The following ADAMTSL1 variants were observed in gnomAD, a reference collection of about 807,000 sequenced individuals.
ADAMTSL1 encodes ADAMTS like 1, also known as ADAMTS-like protein 1.
In ADAMTSL1, 126 loss-of-function variants were observed where a neutral mutation model predicts 201.8. The observed-to-expected ratio is 0.62, with a 90% CI of 0.54 to 0.72. The LOEUF (loss-of-function observed/expected upper bound fraction) is 0.72, where lower values mean the gene tolerates loss of function less well. Ranked by LOEUF, ADAMTSL1 falls within the 30% of genes least tolerant of loss-of-function variation. The pLI is 0.00. For synonymous variants in ADAMTSL1, 1,121 were observed against 903.4 expected (o/e 1.24, Z -4.32); for missense variants, 2,679 against 2,277.8 (o/e 1.18, Z -3.59).
At chr9:18,077,588 AGTG>A (rs1823290455) in intron 1 of ADAMTSL1, among the ~76,000 whole-genome samples, 1 of 152,330 alleles carries the variant, frequency 6.6e-6, no homozygotes, top group Admixed American at 6.5e-5. Context: ...CAAAGAAAGG[AGTG>A]GTGGTCAGAG....
intron 3 of ADAMTSL1, among the ~76,000 whole-genome samples, chr9:18,543,542 A>C (rs745701764): frequency 2.6e-5 from 4 of 152,188 alleles, no homozygotes; most frequent in Non-Finnish European, 5.9e-5. Context: ...CATGTGGACA[A>C]CTGGAGGTTG....
chr9:18,254,357 T>TG (rs1831588086), intron 2 of ADAMTSL1, among the ~76,000 whole-genome samples: 1 of 95,868 alleles, frequency 1.0e-5, no homozygotes, highest in Non-Finnish European at 2.2e-5. Flanking sequence ...TTTTTTTTTT[T>TG]TTTTTTTTTT....
intron 2 of ADAMTSL1, among the ~76,000 whole-genome samples, chr9:18,450,155 T>G (rs1314956971): frequency 6.6e-6 from 1 of 152,090 alleles, no homozygotes; most frequent in African/African-American, 2.4e-5. Context: ...GTAACGAAAT[T>G]ATGGAACATC....
chr9:18,893,777 CA>C (rs1023751518), intron 26 of ADAMTSL1, among the ~76,000 whole-genome samples: 2 of 152,200 alleles, frequency 1.3e-5, no homozygotes, highest in Admixed American at 1.3e-4. Flanking sequence ...CTGTGAGACA[CA>C]AAAAAATCCT....
chr9:18,037,969 G>T (rs1821272348), intron 1 of ADAMTSL1, among the ~76,000 whole-genome samples: 1 of 152,064 alleles, frequency 6.6e-6, no homozygotes, highest in Admixed American at 6.6e-5. Context: ...TATATACCAA[G>T]AATCTAAAGT....
chr9:18,835,570 C>G lies in ADAMTSL1; in HGVS notation c.4249+5593C>G, dbSNP rs556220477. Among the ~76,000 whole-genome samples the G allele has an allele frequency of 9.9e-5, 15 of 152,100 alleles. No homozygotes were observed. The South Asian group carries it at 2.9e-3, about 29-fold the overall frequency. ...GCAGGTGTGTTACATGGGTATATTT[C>G]CCAATGCTGAGATTTGAGGTATGAT... On this transcript the variant is annotated intron_variant, in intron 23 of 28. Transcript: ENST00000380548.
At chr9:18,023,142 A>G (rs1276507078) in intron 1 of ADAMTSL1, among the ~76,000 whole-genome samples, 1 of 151,840 alleles carries the variant, frequency 6.6e-6, no homozygotes, top group Non-Finnish European at 1.5e-5. Context: ...ATTATTTACT[A>G]TATATATGTA....
chr9:18,500,150 T>G (rs1587386114), intron 1 of ADAMTSL1, among the ~76,000 whole-genome samples: 1 of 152,230 alleles, frequency 6.6e-6, no homozygotes, highest in African/African-American at 2.4e-5. Flanking sequence ...TTGCTTCATG[T>G]GATTACTCAA....
chr9:18,447,623 A>G (rs899082210), intron 2 of ADAMTSL1, among the ~76,000 whole-genome samples: 1 of 152,216 alleles, frequency 6.6e-6, no homozygotes, highest in East Asian at 1.9e-4. Context: ...ATGTCTCGCA[A>G]TTATAAGTGT....
chr9:18,611,927 C>A (rs552628979), intron 4 of ADAMTSL1, among the ~76,000 whole-genome samples: 1 of 152,164 alleles, frequency 6.6e-6, no homozygotes, highest in Admixed American at 6.5e-5. Flanking sequence ...CCCAGCCAGA[C>A]CACCAGCCAA....
intron 1 of ADAMTSL1, among the ~76,000 whole-genome samples, chr9:17,933,707 A>G (rs1269694129): frequency 6.6e-6 from 1 of 152,168 alleles, no homozygotes; most frequent in Non-Finnish European, 1.5e-5. Context: ...TGGCTGGAAC[A>G]GGAGGAAGAC....
At chr9:18,488,039 G>A (rs1025108000) in intron 1 of ADAMTSL1, among the ~76,000 whole-genome samples, 1 of 152,196 alleles carries the variant, frequency 6.6e-6, no homozygotes, top group Non-Finnish European at 1.5e-5. Flanking sequence ...AGCATCTTAG[G>A]TTTGATGCAA....
At chr9:18,263,787 A>G (rs1025029097) in intron 2 of ADAMTSL1, among the ~76,000 whole-genome samples, 9 of 152,166 alleles carry the variant, frequency 5.9e-5, no homozygotes, top group Admixed American at 5.9e-4. Flanking sequence ...CTCTATGGAC[A>G]TGCACCAAGG....
chr9:18,600,839 G>T (rs766350472), intron 4 of ADAMTSL1, among the ~76,000 whole-genome samples: 1 of 152,098 alleles, frequency 6.6e-6, no homozygotes, highest in East Asian at 1.9e-4. Context: ...TGTACCTATG[G>T]TTGTTTCAAA....
upstream of ADAMTSL1, among the ~76,000 whole-genome samples, chr9:18,472,206 C>T (rs916631988): frequency 6.6e-6 from 1 of 152,176 alleles, no homozygotes; most frequent in Non-Finnish European, 1.5e-5. Context: ...ACACATGTAA[C>T]ATAGCTTTAT....
intron 23 of ADAMTSL1, among the ~76,000 whole-genome samples, chr9:18,867,269 C>G (rs1451490105): frequency 2.0e-5 from 3 of 152,144 alleles, no homozygotes; most frequent in Non-Finnish European, 4.4e-5. Flanking sequence ...AACCTACCAG[C>G]AGGAATTTTT....
intron 1 of ADAMTSL1, among the ~76,000 whole-genome samples, chr9:18,082,324 A>T (rs578063404): frequency 6.6e-6 from 1 of 152,284 alleles, no homozygotes; most frequent in East Asian, 1.9e-4. Context: ...TAGATAGATT[A>T]AACGACCATT....
chr9:18,855,552 C>T (rs959973744), intron 23 of ADAMTSL1, among the ~76,000 whole-genome samples: 1 of 152,112 alleles, frequency 6.6e-6, no homozygotes, highest in Non-Finnish European at 1.5e-5. Context: ...GAAACATAAC[C>T]TAGTAATATG....
intron 13 of ADAMTSL1, among the ~76,000 whole-genome samples, chr9:18,687,410 G>A (rs575743697): frequency 6.6e-6 from 1 of 152,240 alleles, no homozygotes; most frequent in African/African-American, 2.4e-5. Context: ...CCCCCACCAA[G>A]GAGACTCACA....
Sources: gnomAD v4.1 joint callset for allele counts (sites outside exome capture counted in the v4.1 genomes callset) on GRCh38, gnomAD v4.1.1 for gene constraint, MANE v1.5 for transcripts, NCBI Gene and HGNC (gene_info 2026-07-23, HGNC 2026-07-21) for gene names.